PPP3CB: variants seen among roughly 807,000 people sequenced by gnomAD.
PPP3CB encodes the protein protein phosphatase 3 catalytic subunit beta.
A neutral mutation model predicts 66.4 loss-of-function variants in PPP3CB; 8 were observed. That is an observed-to-expected ratio of 0.12 (90% CI 0.07 to 0.22). The LOEUF (loss-of-function observed/expected upper bound fraction) is 0.22, where lower values mean the gene tolerates loss of function less well. PPP3CB is among the 10% of genes least tolerant of loss of function. PPP3CB has a pLI of 1.00. For synonymous variants in PPP3CB, 208 were observed against 221.2 expected, an observed-to-expected ratio of 0.94 and a Z score of 0.53; for missense variants, 319 against 642.5, an observed-to-expected ratio of 0.50 and a Z score of 5.44.
chr10:73,444,882 A>C (rs2056221465), intron 11 of PPP3CB, 60 bp from the exon 12 acceptor site: 10 of 1,536,640 alleles, frequency 6.5e-6, no homozygotes, highest in Non-Finnish European at 8.9e-6. Context: ...ATTTAAAAGA[A>C]GACATAGGGT....
At chr10:73,492,139 A>G (rs1228936142) in intron 1 of PPP3CB, among the ~76,000 whole-genome samples, 1 of 152,208 alleles carries the variant, frequency 6.6e-6, no homozygotes, top group African/African-American at 2.4e-5. Flanking sequence ...CTTAAAAAAA[A>G]TTAAAACACA....
At chr10:73,485,336 AAG>A (rs1223282812) in intron 1 of PPP3CB, among the ~76,000 whole-genome samples, 1 of 152,206 alleles carries the variant, frequency 6.6e-6, no homozygotes, top group African/African-American at 2.4e-5. Context: ...AATTGGGAAA[AAG>A]GGGGTGGTGG....
chr10:73,446,247 A>G (rs2056250871), intron 11 of PPP3CB, among the ~76,000 whole-genome samples: 1 of 151,336 alleles, frequency 6.6e-6, no homozygotes, highest in Admixed American at 6.6e-5. Flanking sequence ...TTACAGGTGC[A>G]TGCCACCACG....
chr10:73,466,587 G>C (rs1179472015), intron 9 of PPP3CB, among the ~76,000 whole-genome samples: 1 of 152,164 alleles, frequency 6.6e-6, no homozygotes, highest in African/African-American at 2.4e-5. Context: ...ATGCTAAAGG[G>C]TAATTCTATC....
chr10:73,458,927 G>A (rs529128785), intron 9 of PPP3CB, among the ~76,000 whole-genome samples: 125 of 151,978 alleles, frequency 8.2e-4, no homozygotes, highest in South Asian at 5.2e-3. Flanking sequence ...AAAATTAGCC[G>A]GGCGTGGTGG....
At chr10:73,443,286 C>CAGACAGACAGACAGAA (rs1441809416) in intron 12 of PPP3CB, among the ~76,000 whole-genome samples, 1 of 115,634 alleles carries the variant, frequency 8.6e-6, no homozygotes, top group African/African-American at 3.4e-5. Context: ...GAAAGAAAGA[C>CAGACAGACAGACAGAA]AGAAAGAAAG....
intron 12 of PPP3CB, among the ~76,000 whole-genome samples, chr10:73,441,674 G>A (rs1164300940): frequency 5.9e-5 from 9 of 152,146 alleles, no homozygotes; most frequent in African/African-American, 2.2e-4. Context: ...CAAGATAAAT[G>A]ACCAAGAGGA....
intron 12 of PPP3CB, among the ~76,000 whole-genome samples, chr10:73,440,932 T>TCAGA (rs1456001361): frequency 2.6e-5 from 4 of 152,204 alleles, no homozygotes; most frequent in Non-Finnish European, 5.9e-5. Context: ...GGGTTTGAAC[T>TCAGA]GTATAAAGAG....
Position 73,472,060 on chromosome 10 carries a change from T to A in PPP3CB, c.524-447A>T, listed in dbSNP as rs1482275192. ...ATCAACAAAAATATGCAAAGTTATC[T>A]GTCTTATGAAGACAAAATATTTGCT... On this transcript the variant is annotated intron_variant, in intron 4 of 13. Coordinates refer to ENST00000360663, the MANE Select transcript of PPP3CB (RefSeq NM_021132.4). 2.0e-5 allele frequency among the ~76,000 whole-genome samples: 3 copies of A among 152,354 alleles called. No individual in the cohort carries two copies. In the East Asian group the frequency reaches 5.8e-4, roughly 29 times the overall value.
intron 1 of PPP3CB, among the ~76,000 whole-genome samples, chr10:73,485,953 T>TGTGTGTGTGTGTG (rs577772189): frequency 1.4e-5 from 2 of 140,482 alleles, no homozygotes; most frequent in East Asian, 2.0e-4. Context: ...TGTGTGTGTA[T>TGTGTGTGTGTGTG]TTTTTTTTTT....
chr10:73,486,728 G>A (rs188434415), intron 1 of PPP3CB, among the ~76,000 whole-genome samples: 249 of 152,120 alleles, frequency 1.6e-3, no homozygotes, highest in African/African-American at 5.6e-3. Context: ...TCATTTTTCC[G>A]CATTCCACTA....
intron 9 of PPP3CB, among the ~76,000 whole-genome samples, chr10:73,462,140 CT>C (rs1019088638): frequency 0.04 from 3,724 of 94,178 alleles, 61 homozygotes; most frequent in Non-Finnish European, 0.054. Flanking sequence ...TAAACTCCTT[CT>C]TTTTTTTTTT....
intron 5 of PPP3CB, 100 bp downstream of exon 5, chr10:73,471,368 A>T: frequency 2.2e-6 from 3 of 1,383,874 alleles, no homozygotes; most frequent in Non-Finnish European, 2.9e-6. Context: ...AATTTTTACT[A>T]TTACCTAATC....
At chr10:73,465,976 G>T (rs2056612125) in intron 9 of PPP3CB, among the ~76,000 whole-genome samples, 1 of 152,116 alleles carries the variant, frequency 6.6e-6, no homozygotes, top group African/African-American at 2.4e-5. Flanking sequence ...TGGTCAAAAA[G>T]TTTGAATATT....
chr10:73,460,381 G>C (rs1488100051), intron 9 of PPP3CB, among the ~76,000 whole-genome samples: 1 of 150,960 alleles, frequency 6.6e-6, no homozygotes, highest in Non-Finnish European at 1.5e-5. Context: ...AAAAGAACTA[G>C]TACTGAGAAT....
At position 73,494,520 on chromosome 10, in the gene PPP3CB, C is replaced by G. The variant is rs187878492; in HGVS notation, c.85+1285G>C. ...ATGTTGCCCAGGCTGGTCTCCAACTCCTGAGTTCAAGCGATCCGCCTGCCT... is the reference window on the plus strand; with the variant it reads ...ATGTTGCCCAGGCTGGTCTCCAACTGCTGAGTTCAAGCGATCCGCCTGCCT... On this transcript the variant is annotated intron_variant, in intron 1 of 13. Coordinates refer to ENST00000360663, the MANE Select transcript of PPP3CB (RefSeq NM_021132.4). Among the ~76,000 whole-genome samples, 25 of 152,140 alleles carry G rather than the reference C, an allele frequency of 1.6e-4. No individual in the cohort carries two copies. In the East Asian group the frequency reaches 1.9e-3, roughly 12 times the overall value.
intron 1 of PPP3CB, among the ~76,000 whole-genome samples, chr10:73,493,270 C>A: frequency 7.4e-6 from 1 of 135,100 alleles, no homozygotes; most frequent in African/African-American, 3.5e-5. Context: ...AGTGAAACTC[C>A]GTCTCAAAAA....
chr10:73,466,525 G>GT lies in PPP3CB; in HGVS notation c.1108+1027dup, dbSNP rs1342748102. Among the ~76,000 whole-genome samples the GT allele has an allele frequency of 2.0e-5, 3 of 152,302 alleles. No homozygotes were observed. The South Asian group carries it at 6.2e-4, about 32-fold the overall frequency. ...TCTCATACACCAAAGATAGAAGGTT[G>GT]TAAGTGTAATGCATCCCTTGCACCT... On this transcript the variant is annotated intron_variant, in intron 9 of 13. Coordinates refer to ENST00000360663, the MANE Select transcript of PPP3CB (RefSeq NM_021132.4).
chr10:73,494,304 G>A (rs952133802), intron 1 of PPP3CB, among the ~76,000 whole-genome samples: 4 of 151,440 alleles, frequency 2.6e-5, no homozygotes, highest in Non-Finnish European at 4.4e-5. Context: ...TTTTGTTTTT[G>A]GAGACAGGGT....
Sources: gnomAD v4.1 joint callset for allele counts (sites outside exome capture counted in the v4.1 genomes callset) on GRCh38, gnomAD v4.1.1 for gene constraint, MANE v1.5 for transcripts, NCBI Gene and HGNC (gene_info 2026-07-23, HGNC 2026-07-21) for gene names.